The following CASD1 variants were observed in gnomAD, a reference collection of about 807,000 sequenced individuals.
The protein encoded by CASD1 is CAS1 domain sialic acid O acetyltransferase 1, also known as N-acetylneuraminate (7)9-O-acetyltransferase.
In CASD1, 41 loss-of-function variants were observed where a neutral mutation model predicts 100.0. The ratio of observed to expected loss-of-function variants is 0.41; its 90% CI spans 0.32 to 0.53. The LOEUF is 0.53. CASD1 is among the 20% of genes least tolerant of loss of function. CASD1 has a pLI of 0.25. For synonymous variants in CASD1, 321 were observed against 315.6 expected (o/e 1.02, Z -0.18); for missense variants, 774 against 948.7 (o/e 0.82, Z 2.42).
the CASD1 span, chr7:94,588,841 T>C: frequency 4.9e-5 from 59 of 1,215,208 alleles, no homozygotes; most frequent in Non-Finnish European, 6.9e-5. Context: ...ACCCCAGTCA[T>C]GTAATCCAGC....
At chr7:94,610,777 A>C in the CASD1 span, among the ~76,000 whole-genome samples, 1 of 152,226 alleles carries the variant, frequency 6.6e-6, no homozygotes, top group Non-Finnish European at 1.5e-5. Flanking sequence ...TTGTATATAG[A>C]ACATATAAAA....
chr7:94,512,879 T>G lies in CASD1; in HGVS notation c.133+2662T>G, dbSNP rs148916216. ...TAAATATGAAGCATGACAGATTAAA[T>G]TGCCTAAGGATACACAGTGACTGAG... is the stretch of plus-strand genomic sequence containing the variant. On this transcript the variant is annotated intron_variant, in intron 1 of 17. Coordinates refer to ENST00000297273, the MANE Select transcript of CASD1 (RefSeq NM_022900.5). Among the ~76,000 whole-genome samples, 1,265 of 152,338 alleles carry G rather than the reference T, an allele frequency of 8.3e-3. 6 individuals are homozygous for G. The highest frequency in any genetic ancestry group is 0.013 in the Admixed American group (206 of 15,306).
Position 94,538,992 on chromosome 7 carries a change from CAG to C in CASD1, c.1294_1295del (p.Asp432ArgfsTer57). The C allele has an allele frequency of 6.2e-7, 1 of 1,607,006 alleles. No individual in the cohort carries two copies. Among genetic ancestry groups the C allele is most frequent in the Non-Finnish European group, 8.5e-7 (1 of 1,174,482 alleles). ...ACTAAAGTATTAAATAGAGAACAAACAGACGAATGGAAAGGCTGGATGCAACT... is the reference window on the plus strand; with the variant it reads ...ACTAAAGTATTAAATAGAGAACAAACACGAATGGAAAGGCTGGATGCAACT... On this transcript the variant is annotated frameshift_variant, in exon 10 of 18. Coordinates refer to ENST00000297273, the MANE Select transcript of CASD1 (RefSeq NM_022900.5). LOFTEE classifies it high-confidence loss of function.
At chr7:94,611,198 A>G in the CASD1 span, among the ~76,000 whole-genome samples, 1 of 152,230 alleles carries the variant, frequency 6.6e-6, no homozygotes, top group African/African-American at 2.4e-5. Flanking sequence ...TTGTACATGA[A>G]TGTTCACAAT....
the CASD1 span, among the ~76,000 whole-genome samples, chr7:94,565,759 A>G: frequency 6.6e-6 from 1 of 152,130 alleles, no homozygotes; most frequent in African/African-American, 2.4e-5. Flanking sequence ...TCATCTAACC[A>G]TATACATTCT....
chr7:94,577,063 T>C, the CASD1 span, among the ~76,000 whole-genome samples: 1 of 152,218 alleles, frequency 6.6e-6, no homozygotes, highest in Non-Finnish European at 1.5e-5. Flanking sequence ...TTTAGTTCTT[T>C]AGACACAGTT....
chr7:94,596,790 C>T, the CASD1 span, among the ~76,000 whole-genome samples: 1 of 152,012 alleles, frequency 6.6e-6, no homozygotes, highest in Non-Finnish European at 1.5e-5. Flanking sequence ...TAGAATTCTG[C>T]AGTGTTGCTA....
chr7:94,583,082 C>T, the CASD1 span, among the ~76,000 whole-genome samples: 1 of 152,204 alleles, frequency 6.6e-6, no homozygotes, highest in Non-Finnish European at 1.5e-5. Context: ...CCAAGTGTCA[C>T]TCACCTCACT....
chr7:94,554,569 A>G lies in CASD1; in HGVS notation c.2121A>G (p.Ser707=), dbSNP rs757845631. Residue 707 remains serine, a synonymous_variant, in exon 17 of 18, where the codon TCA becomes TCG. Coordinates refer to ENST00000297273, the MANE Select transcript of CASD1 (RefSeq NM_022900.5). Reference sequence around the variant, plus strand: ...TTTTTGCTTGGTTTGGAAAAATTTCATTAGAGGTTGGTACATTAATATTTT... The same window carrying G: ...TTTTTGCTTGGTTTGGAAAAATTTCGTTAGAGGTTGGTACATTAATATTTT... The part of the protein sequence containing the change: ...SSFFAWFGKI[S]LELFICQYHI... 60 of 1,601,016 alleles carry G rather than the reference A, an allele frequency of 3.7e-5. No individual in the cohort carries two copies. Among genetic ancestry groups the G allele is most frequent in the Non-Finnish European group, 5.0e-5 (58 of 1,168,986 alleles).
chr7:94,539,480 C>T (rs1795279395), intron 10 of CASD1, among the ~76,000 whole-genome samples: 1 of 151,884 alleles, frequency 6.6e-6, no homozygotes, highest in Non-Finnish European at 1.5e-5. Context: ...ACCAGCCTAG[C>T]CAACATGGTG....
intron 3 of CASD1, among the ~76,000 whole-genome samples, chr7:94,520,186 A>T (rs1010954742): frequency 6.6e-6 from 1 of 152,326 alleles, no homozygotes; most frequent in Admixed American, 6.5e-5. Flanking sequence ...TTGCCAAATT[A>T]TGTGTTACCT....
the CASD1 span, chr7:94,628,057 T>C: frequency 1.9e-5 from 12 of 624,450 alleles, no homozygotes; most frequent in Non-Finnish European, 3.1e-5. Context: ...CCAAATGTTA[T>C]CTACTGTGTT....
At chr7:94,543,378 G>T (rs1278320267) in intron 10 of CASD1, among the ~76,000 whole-genome samples, 1 of 152,158 alleles carries the variant, frequency 6.6e-6, no homozygotes, top group Non-Finnish European at 1.5e-5. Context: ...GTATGGACAG[G>T]CGCAGTGGCT....
chr7:94,526,392 G>A (rs991702166), intron 3 of CASD1, among the ~76,000 whole-genome samples: 1 of 152,208 alleles, frequency 6.6e-6, no homozygotes, highest in Non-Finnish European at 1.5e-5. Flanking sequence ...AGTGGCGTAT[G>A]TCACATATAT....
downstream of CASD1, among the ~76,000 whole-genome samples, chr7:94,557,294 A>C (rs957724716): frequency 1.3e-5 from 2 of 152,078 alleles, no homozygotes; most frequent in Admixed American, 6.6e-5. Flanking sequence ...TAATAGAGGA[A>C]TATTTCTTGG....
Position 94,555,711 on chromosome 7 carries a change from T to G in CASD1, c.2347T>G (p.Cys783Gly). 6.2e-7 allele frequency: 1 copy of G among 1,613,260 alleles called. No individual in the cohort carries two copies. Among genetic ancestry groups the G allele is most frequent in the Non-Finnish European group, 8.5e-7 (1 of 1,179,516 alleles). The change falls in exon 18 of 18, where the codon TGT becomes GGT. Residue 783 changes from cysteine (C) to glycine (G), a missense_variant. Transcript: ENST00000297273. ...KRLACIAAFF[C>G]GLLILSSIQD... ...GTTGGCATGTATAGCTGCATTTTTT[T>G]GTGGACTCCTCATCTTATCATCCAT... is the stretch of plus-strand genomic sequence containing the variant.
the CASD1 span, among the ~76,000 whole-genome samples, chr7:94,611,876 C>T: frequency 6.6e-6 from 1 of 151,944 alleles, no homozygotes; most frequent in African/African-American, 2.4e-5. Flanking sequence ...CCTATTGTAC[C>T]TTTGGGAAAC....
chr7:94,535,624 A>G lies in CASD1; in HGVS notation c.843+101A>G, dbSNP rs1259124902. ...GGTTATAAATAATTTGTTTTATTGC[A>G]GTCTTAGTAACTTGTAGTTATTGTG... On this transcript the variant is annotated intron_variant, in intron 8 of 17. Transcript: ENST00000297273. The G allele has an allele frequency of 1.1e-5, 9 of 815,106 alleles. No individual in the cohort carries two copies. The Admixed American group carries it at 2.2e-4, about 20-fold the overall frequency. 50.5% of individuals were successfully genotyped at this position (815,106 alleles called of 1,614,324 possible).
intron 3 of CASD1, among the ~76,000 whole-genome samples, chr7:94,520,064 A>G (rs1009334684): frequency 1.3e-5 from 2 of 152,184 alleles, no homozygotes; most frequent in South Asian, 2.1e-4. Context: ...ATCAAACGAG[A>G]TATCAGACAA....
Sources: allele counts gnomAD v4.1 joint callset (sites outside exome capture counted in the v4.1 genomes callset), GRCh38; gene constraint gnomAD v4.1.1; transcripts MANE v1.5; gene names NCBI Gene and HGNC (gene_info 2026-07-23, HGNC 2026-07-21).